The following SPATA7 variants were observed in gnomAD, a reference collection of about 807,000 sequenced individuals.
The protein encoded by SPATA7 is spermatogenesis associated 7.
In SPATA7, 43 loss-of-function variants were observed where a neutral mutation model predicts 51.8. The observed-to-expected ratio is 0.83, with a 90% CI of 0.65 to 1.07. The LOEUF is 1.07. Among genes scored for constraint, SPATA7 ranks in the 50% least tolerant of loss-of-function variants. SPATA7 has a pLI of 0.00. For missense variants in SPATA7, 683 were observed against 701.3 expected, an observed-to-expected ratio of 0.97 and a Z score of 0.30; for synonymous variants, 230 against 252.8, an observed-to-expected ratio of 0.91 and a Z score of 0.86.
chr14:88,430,361 A>G (rs1566783847), intron 8 of SPATA7, among the ~76,000 whole-genome samples: 1 of 152,106 alleles, frequency 6.6e-6, no homozygotes, highest in Non-Finnish European at 1.5e-5. Context: ...TTATTTATTA[A>G]TATAACTGCT....
At chr14:88,415,942 T>G (rs1283942521) in intron 4 of SPATA7, 2 of 152,280 alleles carry the variant, frequency 1.3e-5, no homozygotes, top group Non-Finnish European at 2.9e-5. Context: ...CTTGTGATAG[T>G]GAGTGGGTTC....
chr14:88,416,661 C>A lies in SPATA7; in HGVS notation c.239-50C>A, dbSNP rs187297010. ...TTATTACTCTAACAAGACCAAAAAA[C>A]CAATTTTCTATTTTGTTCCATATTT... On this transcript the variant is annotated intron_variant, in intron 4 of 11. Transcript: ENST00000393545. 6,236 of 1,598,718 alleles carry A rather than the reference C, an allele frequency of 3.9e-3. 19 individuals carry two copies. Among genetic ancestry groups the A allele is most frequent in the Non-Finnish European group, 4.8e-3 (5,629 of 1,170,318 alleles).
intron 8 of SPATA7, 54 bp from the exon 9 acceptor site, chr14:88,431,118 C>T (rs1595284181): frequency 6.9e-7 from 1 of 1,452,628 alleles, no homozygotes; most frequent in East Asian, 2.3e-5. Flanking sequence ...TTATTGAGTA[C>T]TTATTGTATG....
At chr14:88,467,191 A>T (rs1173773368) in intron 4 of SPATA7, 1 of 149,426 alleles carries the variant, frequency 6.7e-6, no homozygotes, top group Admixed American at 6.6e-5. Context: ...TTAGTCCTTA[A>T]TCTCTCCCAA....
chr14:88,387,892 G>A (rs1199946116), intron 1 of SPATA7, among the ~76,000 whole-genome samples: 1 of 152,120 alleles, frequency 6.6e-6, no homozygotes, highest in Non-Finnish European at 1.5e-5. Flanking sequence ...CCTTTAGGAA[G>A]GAGAGGAGAC....
downstream of SPATA7, among the ~76,000 whole-genome samples, chr14:88,441,347 C>T (rs2077177661): frequency 6.6e-6 from 1 of 152,120 alleles, no homozygotes; most frequent in Non-Finnish European, 1.5e-5. Context: ...GACTTCTTTT[C>T]CTCTGGGTAG....
intron 10 of SPATA7, 85 bp downstream of exon 10, chr14:88,433,297 G>A: frequency 1.0e-6 from 1 of 971,604 alleles, no homozygotes; most frequent in South Asian, 1.5e-5. Context: ...AAATTTTAAA[G>A]TTATTTTCCC....
At chr14:88,386,121 G>C (rs2075568196) in intron 1 of SPATA7, 2 of 1,137,824 alleles carry the variant, frequency 1.8e-6, no homozygotes, top group South Asian at 1.8e-5. Flanking sequence ...AACCTCAGTA[G>C]CTCCCAGGCA....
intron 3 of SPATA7, among the ~76,000 whole-genome samples, chr14:88,395,007 A>T (rs1247838806): frequency 6.6e-6 from 1 of 152,114 alleles, no homozygotes; most frequent in East Asian, 1.9e-4. Flanking sequence ...TTATATACAG[A>T]TTCTATATCA....
chr14:88,396,073 G>A, intron 3 of SPATA7, 83 bp from the exon 4 acceptor site: 1 of 1,118,670 alleles, frequency 8.9e-7, no homozygotes, highest in Non-Finnish European at 1.4e-6. Flanking sequence ...TGCAAGGTCT[G>A]GAACATTTTG....
At chr14:88,388,093 T>C (rs61261394) in intron 1 of SPATA7, among the ~76,000 whole-genome samples, 5,343 of 151,946 alleles carry the variant, frequency 0.035, 301 homozygotes, top group African/African-American at 0.12. Flanking sequence ...TCCCAGCTAC[T>C]CGGGAGGCTA....
chr14:88,421,026 GGAATCGAACCCAGGA>G (rs1312897275), intron 5 of SPATA7, among the ~76,000 whole-genome samples: 3 of 151,824 alleles, frequency 2.0e-5, no homozygotes, highest in Admixed American at 2.0e-4. Flanking sequence ...CTGAGGCAGG[GGAATCGAACCCAGGA>G]GGTGGGAGGT....
chr14:88,395,585 A>G (rs1483371377), intron 3 of SPATA7, among the ~76,000 whole-genome samples: 4 of 151,992 alleles, frequency 2.6e-5, no homozygotes, highest in African/African-American at 7.2e-5. Flanking sequence ...GTTTTTGTAT[A>G]TGGTGTGATA....
chr14:88,469,284 G>A lies in SPATA7; in HGVS notation c.255-563G>A, dbSNP rs771440164. 6.6e-6 allele frequency among the ~76,000 whole-genome samples: 1 copy of A among 152,056 alleles called. No individual in the cohort carries two copies. The highest frequency in any genetic ancestry group is 2.4e-5 in the African/African-American group (1 of 41,382). On this transcript the variant is annotated intron_variant, in intron 4 of 4. Transcript: ENST00000556406. This position sits in a 1 kb window ranked among gnomAD's most constrained non-coding sequence, Gnocchi z 4.3. ...TTTCTGATCTACAAAATGAAATGAC[G>A]GAGATACTGAGTCAGCTGTGGCATT...
At chr14:88,410,236 T>C (rs148715326) in intron 4 of SPATA7, among the ~76,000 whole-genome samples, 1 of 152,338 alleles carries the variant, frequency 6.6e-6, no homozygotes, top group African/African-American at 2.4e-5. Flanking sequence ...AGTCTCTTTG[T>C]AGGTCTCAAG....
intron 4 of SPATA7, chr14:88,468,106 C>A: frequency 6.2e-7 from 1 of 1,611,984 alleles, no homozygotes; most frequent in South Asian, 1.1e-5. Context: ...AAACGCTTCA[C>A]ATGACTGGCC....
downstream of SPATA7, among the ~76,000 whole-genome samples, chr14:88,440,713 T>C (rs1211483882): frequency 6.6e-6 from 1 of 152,202 alleles, no homozygotes; most frequent in Non-Finnish European, 1.5e-5. Context: ...TTACTGAGCC[T>C]GTGTGTGTTT....
Position 88,437,882 on chromosome 14 carries a change from C to T in SPATA7, c.1260C>T (p.Gly420=). 1 of 1,609,452 alleles carries T rather than the reference C, an allele frequency of 6.2e-7. No individual in the cohort carries two copies. The highest frequency in any genetic ancestry group is 8.5e-7 in the Non-Finnish European group (1 of 1,177,828). The change falls in exon 12 of 12, where the codon GGC becomes GGT. Residue 420 remains glycine, a synonymous_variant. Transcript: ENST00000393545. ...HLLHVLKVDL[G]CTSEENSVKQ... is the part of the protein sequence containing the mutation. ...TGCATGTCCTGAAAGTAGACTTAGG[C>T]TGCACATCGGAGGAAAACTCGGTAA...
rs200614984 is a variant in SPATA7, at chr14:88,469,566, G to C, written c.255-281G>C. On this transcript the variant is annotated intron_variant, in intron 4 of 4. Transcript: ENST00000556406. The surrounding 1 kb of genome is among the most constrained non-coding windows in gnomAD (Gnocchi z 4.3). ...AGTCTGTGTATTGGAGGTGCCAGAC[G>C]GTCCTCTCTTGCCCAGTAAGGAGGT... The C allele has an allele frequency of 1.4e-5, 23 of 1,614,114 alleles. No individual in the cohort carries two copies. In the East Asian group the frequency reaches 5.1e-4, roughly 36 times the overall value.
Sources: allele counts gnomAD v4.1 joint callset (sites outside exome capture counted in the v4.1 genomes callset), GRCh38; gene constraint gnomAD v4.1.1; non-coding constraint Gnocchi (gnomAD v3.1); transcripts MANE v1.5; gene names NCBI Gene and HGNC (gene_info 2026-07-23, HGNC 2026-07-21).